The following CECR2 variants were observed in gnomAD, a reference collection of about 807,000 sequenced individuals.
CECR2 encodes CECR2 histone acetyl-lysine reader.
CECR2 carries 30 observed loss-of-function variants against 154.5 expected under a neutral mutation model. The observed-to-expected ratio is 0.19, with a 90% confidence interval of 0.15 to 0.26. CECR2 has a LOEUF of 0.26. Ranked by LOEUF, CECR2 falls within the 10% of genes least tolerant of loss-of-function variation. CECR2 has a pLI of 1.00. For missense variants in CECR2, 1,743 were observed against 1,829.3 expected, an observed-to-expected ratio of 0.95 and a Z score of 0.86; for synonymous variants, 725 against 683.7, an observed-to-expected ratio of 1.06 and a Z score of -0.94.
intron 1 of CECR2, among the ~76,000 whole-genome samples, chr22:17,440,202 T>C (rs2054563585): frequency 6.7e-6 from 1 of 149,110 alleles, no homozygotes; most frequent in Non-Finnish European, 1.5e-5. Context: ...TGAATTTATA[T>C]AAAACTGTGT....
At position 17,523,011 on chromosome 22, in the gene CECR2, A is replaced by T. The variant is rs695699; in HGVS notation, c.955-1107A>T. 1.2e-4 allele frequency among the ~76,000 whole-genome samples: 13 copies of T among 110,338 alleles called. 1 individual carries two copies. In the South Asian group the frequency reaches 3.2e-3, roughly 27 times the overall value. The allele number at this position is 110,338 out of a possible 152,430, so 72.4% of individuals were successfully genotyped here. A position where few individuals can be genotyped will look rare whatever the true frequency, so the allele number is the denominator to read the frequency against. On this transcript the variant is annotated intron_variant, in intron 8 of 18. Coordinates refer to ENST00000262608, the MANE Select transcript of CECR2 (RefSeq NM_001290047.2). ...CAAAGCAAGACTCCATCTCGGGGGG[A>T]AAAAAAAAAGCCTGCTATCTAGGCA...
At chr22:17,450,827 C>T (rs1003083621) in intron 1 of CECR2, among the ~76,000 whole-genome samples, 1 of 152,212 alleles carries the variant, frequency 6.6e-6, no homozygotes, top group African/African-American at 2.4e-5. Context: ...TTTCACCTTG[C>T]TCCTTACCAC....
chr22:17,499,406 G>A lies in CECR2; in HGVS notation c.406-4G>A. The A allele has an allele frequency of 6.2e-7, 1 of 1,613,172 alleles. No individual in the cohort carries two copies. Among genetic ancestry groups the A allele is most frequent in the East Asian group, 2.2e-5 (1 of 44,852 alleles). On this transcript the variant is annotated splice_region_variant and splice_polypyrimidine_tract_variant and intron_variant, in intron 3 of 18. Coordinates refer to ENST00000262608, the MANE Select transcript of CECR2 (RefSeq NM_001290047.2). The stretch of plus-strand genomic sequence containing the variant: ...CCCAAACCCCTTTTCCGTGCTCTGT[G>A]TAGGGCCTGGATGCAGACAGTCTCC...
At position 17,548,388 on chromosome 22, in the gene CECR2, C is replaced by T. The variant is rs1286205890; in HGVS notation, c.3101C>T (p.Pro1034Leu). The change falls in exon 17 of 19, where the codon CCA becomes CTA. Residue 1034 changes from proline to leucine, a missense_variant. Around this residue, in one of 4 missense-constraint regions of CECR2, gnomAD observed 1,250 missense variants for 1,192.1 expected, o/e 1.05. Transcript: ENST00000262608. ...PWPSDSSYPG[P>L]AAQGCVRDLS... ...CCCTCGGATAGCAGCTACCCCGGCC[C>T]AGCCGCCCAAGGGTGCGTGAGAGAC... is the stretch of plus-strand genomic sequence containing the variant. 1.9e-6 allele frequency: 3 copies of T among 1,613,488 alleles called. No homozygotes were observed. Among genetic ancestry groups the T allele is most frequent in the East Asian group, 4.5e-5 (2 of 44,876 alleles).
intron 9 of CECR2, among the ~76,000 whole-genome samples, chr22:17,533,086 G>A (rs28397634): frequency 0.17 from 25,895 of 151,604 alleles, 2,495 homozygotes; most frequent in East Asian, 0.44. Flanking sequence ...GGGAGGCCGA[G>A]GCGGGCAGAT....
At position 17,549,140 on chromosome 22, in the gene CECR2, G is replaced by A. The variant is rs1214829576; in HGVS notation, c.3853G>A (p.Glu1285Lys). ...NPGPEEEKLD[E>K]SMERPESPKE... Reference sequence around the variant, plus strand: ...TGGTCCAGAGGAAGAGAAGCTGGATGAATCTATGGAGAGGCCAGAGAGTCC... The same window carrying A: ...TGGTCCAGAGGAAGAGAAGCTGGATAAATCTATGGAGAGGCCAGAGAGTCC... The change falls in exon 17 of 19, where the codon GAA becomes AAA. Residue 1285 changes from glutamate (E) to lysine (K), a missense_variant. By Grantham distance (56) the Glu-to-Lys change is moderately conservative. This residue lies in a region of CECR2 where 1,250 missense variants were observed against 1,192.1 expected (regional missense o/e 1.05). Coordinates refer to ENST00000262608, the MANE Select transcript of CECR2 (RefSeq NM_001290047.2). 1.9e-6 allele frequency: 3 copies of A among 1,613,930 alleles called. No homozygotes were observed. In the Admixed American group the frequency reaches 5.0e-5, roughly 27 times the overall value.
intron 9 of CECR2, among the ~76,000 whole-genome samples, chr22:17,536,521 T>G (rs2056439565): frequency 1.3e-5 from 2 of 152,120 alleles, no homozygotes; most frequent in African/African-American, 2.4e-5. Flanking sequence ...TTTCCCCTCT[T>G]CCCAGCCAAA....
chr22:17,552,908 G>GA lies in CECR2; in HGVS notation c.*69dup, dbSNP rs2056731304. On this transcript the variant is annotated 3_prime_UTR_variant, in exon 19 of 19. Coordinates refer to ENST00000262608, the MANE Select transcript of CECR2 (RefSeq NM_001290047.2). Reference sequence around the variant, plus strand: ...GAAGACTGGAATGTGGAGAACTGGGGAGTGCCCTGTCAGCTCTATTCCCAT... The same window carrying GA: ...GAAGACTGGAATGTGGAGAACTGGGGAAGTGCCCTGTCAGCTCTATTCCCAT... The GA allele has an allele frequency of 6.5e-7, 1 of 1,539,146 alleles. No individual in the cohort carries two copies. Among genetic ancestry groups the GA allele is most frequent in the African/African-American group, 1.4e-5 (1 of 71,822 alleles).
chr22:17,431,666 A>G (rs1477900223), intron 1 of CECR2, among the ~76,000 whole-genome samples: 1 of 152,204 alleles, frequency 6.6e-6, no homozygotes, highest in Non-Finnish European at 1.5e-5. Context: ...TATATTTTGA[A>G]CAGTATCATT....
chr22:17,542,075 A>C (rs2056532744), intron 15 of CECR2, 82 bp from the exon 16 acceptor site: 2 of 1,569,108 alleles, frequency 1.3e-6, no homozygotes, highest in Non-Finnish European at 1.7e-6. Context: ...TTTCCCAAAG[A>C]GTCTGTTCCC....
chr22:17,501,149 CT>C (rs558295033), intron 5 of CECR2, among the ~76,000 whole-genome samples: 8 of 152,236 alleles, frequency 5.3e-5, no homozygotes, highest in African/African-American at 1.9e-4. Flanking sequence ...TGTAAATACA[CT>C]TTTTACTTAA....
intron 1 of CECR2, among the ~76,000 whole-genome samples, chr22:17,454,497 C>T (rs2054822685): frequency 6.6e-6 from 1 of 151,192 alleles, no homozygotes; most frequent in Admixed American, 6.6e-5. Flanking sequence ...CCCAGCTACT[C>T]GGAAAGCTGA....
intron 1 of CECR2, among the ~76,000 whole-genome samples, chr22:17,475,159 TAA>T (rs1180325161): frequency 1.3e-5 from 2 of 152,042 alleles, no homozygotes; most frequent in African/African-American, 4.8e-5. Flanking sequence ...ACTTTGCAGA[TAA>T]AGTTTCTCCC....
chr22:17,466,622 T>C (rs2055037518), intron 1 of CECR2, among the ~76,000 whole-genome samples: 2 of 141,096 alleles, frequency 1.4e-5, no homozygotes, highest in Non-Finnish European at 3.0e-5. Context: ...TGAGAAGGAG[T>C]CTTGCTCTGT....
chr22:17,422,927 CCATTAGAGTCCTTCA>C (rs1425163264), intron 1 of CECR2, among the ~76,000 whole-genome samples: 1 of 152,178 alleles, frequency 6.6e-6, no homozygotes, highest in Non-Finnish European at 1.5e-5. Flanking sequence ...CCTACTTTCT[CCATTAGAGTCCTTCA>C]CATTAATCAG....
At chr22:17,371,899 T>C (rs779344741) in intron 1 of CECR2, among the ~76,000 whole-genome samples, 1 of 152,244 alleles carries the variant, frequency 6.6e-6, no homozygotes, top group Non-Finnish European at 1.5e-5. Flanking sequence ...ATAACTTGTC[T>C]TCTGTTATAA....
intron 1 of CECR2, among the ~76,000 whole-genome samples, chr22:17,463,282 T>TA (rs1286507541): frequency 6.6e-6 from 1 of 152,144 alleles, no homozygotes; most frequent in Non-Finnish European, 1.5e-5. Context: ...GGTGAGGTCT[T>TA]AGAGGTCATA....
Position 17,540,641 on chromosome 22 carries a change from G to A in CECR2, c.1725G>A (p.Lys575=), listed in dbSNP as rs202187433. The A allele has an allele frequency of 8.7e-5, 141 of 1,613,806 alleles. No individual in the cohort carries two copies. In the African/African-American group the frequency reaches 1.3e-3, roughly 15 times the overall value. ...AGCAGCCCATGGAGAATGGAGGAAA[G>A]TCGTTGCCCCCCACACGCCGAGCGC... ...RKQQPMENGG[K]SLPPTRRAPS... Residue 575 remains lysine (K), a synonymous_variant, in exon 14 of 19, where the codon AAG becomes AAA. Transcript: ENST00000262608.
At chr22:17,509,608 T>A (rs1247479285) in intron 7 of CECR2, among the ~76,000 whole-genome samples, 5 of 152,114 alleles carry the variant, frequency 3.3e-5, no homozygotes, top group African/African-American at 9.7e-5. Context: ...TTTTAATTTT[T>A]TGTAGAAGTG....
Sources: gnomAD v4.1 joint callset for allele counts (sites outside exome capture counted in the v4.1 genomes callset) on GRCh38, gnomAD v4.1.1 for gene constraint, gnomAD v4.1.1 regional missense constraint, MANE v1.5 for transcripts, NCBI Gene and HGNC (gene_info 2026-07-23, HGNC 2026-07-21) for gene names.